The following RYK variants were observed in gnomAD, a reference collection of about 807,000 sequenced individuals.
The protein encoded by RYK is inactive tyrosine-protein kinase RYK.
Under a neutral mutation model 70.2 loss-of-function variants are expected in RYK, and 21 were observed. The observed-to-expected ratio is 0.30, with a 90% confidence interval of 0.21 to 0.43. RYK has a LOEUF of 0.43. Among genes scored for constraint, RYK ranks in the 20% least tolerant of loss-of-function variants. The probability of loss-of-function intolerance (pLI) is 1.00; values close to 1 mark genes in which losing one functional copy is unlikely to be tolerated. For synonymous variants in RYK, 267 were observed against 278.0 expected (o/e 0.96, Z 0.39); for missense variants, 604 against 753.3 (o/e 0.80, Z 2.32).
intron 2 of RYK, among the ~76,000 whole-genome samples, chr3:134,215,974 T>C (rs1477934108): frequency 6.8e-6 from 1 of 147,312 alleles, no homozygotes; most frequent in Non-Finnish European, 1.5e-5. Flanking sequence ...GGGCGGAGGA[T>C]GTAGTGAGCC....
chr3:134,182,214 G>A (rs1219161718), intron 10 of RYK, among the ~76,000 whole-genome samples: 1 of 151,780 alleles, frequency 6.6e-6, no homozygotes, highest in Admixed American at 6.6e-5. Flanking sequence ...ATCATGCTAT[G>A]GCATAATGAT....
chr3:134,158,298 T>C (rs368367609), intron 14 of RYK, 34 bp from the exon 15 acceptor site: 43 of 1,400,098 alleles, frequency 3.1e-5, no homozygotes, highest in Non-Finnish European at 4.2e-5. Flanking sequence ...TTTGGGCTAG[T>C]AAGGATACAG....
intron 3 of RYK, 49 bp from the exon 4 acceptor site, chr3:134,209,878 A>AAT (rs1281037615): frequency 1.6e-6 from 2 of 1,249,512 alleles, no homozygotes; most frequent in Non-Finnish European, 2.2e-6. Flanking sequence ...AAAAATCAAC[A>AAT]TTAATGCCCC....
intron 13 of RYK, among the ~76,000 whole-genome samples, chr3:134,165,108 T>C (rs2012615592): frequency 2.0e-5 from 3 of 152,240 alleles, no homozygotes; most frequent in Non-Finnish European, 4.4e-5. Flanking sequence ...TATAGCTCTT[T>C]CACATTTTTT....
intron 13 of RYK, among the ~76,000 whole-genome samples, chr3:134,173,649 C>T (rs145203054): frequency 6.6e-6 from 1 of 152,208 alleles, no homozygotes; most frequent in African/African-American, 2.4e-5. Context: ...CCCCATGATC[C>T]AATTATCTCC....
chr3:134,196,618 C>CACAT (rs892187802), intron 6 of RYK, among the ~76,000 whole-genome samples: 12 of 150,900 alleles, frequency 8.0e-5, no homozygotes, highest in Admixed American at 2.6e-4. Context: ...CACACACACA[C>CACAT]ACACACACAC....
intron 6 of RYK, among the ~76,000 whole-genome samples, chr3:134,196,330 CTT>C (rs2013809730): frequency 6.6e-6 from 1 of 152,162 alleles, no homozygotes; most frequent in Admixed American, 6.5e-5. Context: ...CAATGCCTCT[CTT>C]AGCTACAGGA....
intron 1 of RYK, among the ~76,000 whole-genome samples, chr3:134,243,565 G>A (rs896980284): frequency 1.3e-5 from 2 of 152,068 alleles, no homozygotes; most frequent in Non-Finnish European, 2.9e-5. Flanking sequence ...ATCCTGTGGC[G>A]CTCCATGGCT....
intron 1 of RYK, among the ~76,000 whole-genome samples, chr3:134,236,735 G>A (rs1055773680): frequency 6.6e-6 from 1 of 152,190 alleles, no homozygotes; most frequent in Non-Finnish European, 1.5e-5. Flanking sequence ...TAGACCAACA[G>A]AAGAGAACTG....
chr3:134,162,234 ATTT>A (rs35638482), intron 13 of RYK, among the ~76,000 whole-genome samples: 14 of 139,328 alleles, frequency 1.0e-4, no homozygotes, highest in Non-Finnish European at 9.5e-5. Context: ...GGCTTCAACC[ATTT>A]TTTTTTTTTT....
In RYK at chr3:134,181,841, C is replaced by T. The variant is rs190517377; in HGVS notation, c.1172+1161G>A. 6.4e-3 allele frequency among the ~76,000 whole-genome samples: 976 copies of T among 152,248 alleles called. 5 individuals are homozygous for T. Among genetic ancestry groups the T allele is most frequent in the Non-Finnish European group, 8.8e-3 (601 of 68,008 alleles). On this transcript the variant is annotated intron_variant, in intron 10 of 14. Transcript: ENST00000623711. ...AAAGGTAGAAGTTTTTGTTACAGTTCTGTGAACAGGACCAATACCAAGCTT... is the reference window on the plus strand; with the variant it reads ...AAAGGTAGAAGTTTTTGTTACAGTTTTGTGAACAGGACCAATACCAAGCTT...
intron 1 of RYK, among the ~76,000 whole-genome samples, chr3:134,235,123 T>C (rs1308690446): frequency 6.6e-6 from 1 of 152,066 alleles, no homozygotes; most frequent in Non-Finnish European, 1.5e-5. Context: ...CGGGCAATGG[T>C]AAGAAGGCAG....
chr3:134,235,014 T>C (rs979793381), intron 1 of RYK, among the ~76,000 whole-genome samples: 1 of 152,096 alleles, frequency 6.6e-6, no homozygotes, highest in Non-Finnish European at 1.5e-5. Flanking sequence ...GTGACTTACT[T>C]CAAATCATCT....
chr3:134,222,512 C>T lies in RYK; in HGVS notation c.260G>A (p.Arg87Lys). ...AGCGTAGTGACTAATAAGGTCATTTCTCACATAATAAAGTTCTGCATCAAG... is the reference window on the plus strand; with the variant it reads ...AGCGTAGTGACTAATAAGGTCATTTTTCACATAATAAAGTTCTGCATCAAG... ...IGLDAELYYV[R>K]NDLISHYALS... is the part of the protein sequence containing the mutation. The change falls in exon 2 of 15, where the codon AGA becomes AAA. Residue 87 changes from arginine (R) to lysine (K), a missense_variant. Arg to Lys is a conservative substitution (Grantham distance 26, BLOSUM62 2). Around this residue, in one of 2 missense-constraint regions of RYK, gnomAD observed 466 missense variants for 535.9 expected, o/e 0.87. Transcript: ENST00000623711. 2 of 1,611,780 alleles carry T rather than the reference C, an allele frequency of 1.2e-6. No homozygotes were observed. Among genetic ancestry groups the T allele is most frequent in the Non-Finnish European group, 1.7e-6 (2 of 1,178,490 alleles).
chr3:134,235,460 AAATT>A (rs1357604510), intron 1 of RYK, among the ~76,000 whole-genome samples: 1 of 152,166 alleles, frequency 6.6e-6, no homozygotes, highest in Non-Finnish European at 1.5e-5. Flanking sequence ...TCAGGAAATA[AAATT>A]AATGAAATAA....
Position 134,250,421 on chromosome 3 carries a change from A to C in RYK, c.232+2T>G, listed in dbSNP as rs1327463424. The C allele has an allele frequency of 7.2e-7, 1 of 1,394,884 alleles. No individual in the cohort carries two copies. Among genetic ancestry groups the C allele is most frequent in the Admixed American group, 2.6e-5 (1 of 37,912 alleles). The allele number at this position is 1,394,884 out of a possible 1,614,324, so 86.4% of individuals were successfully genotyped here. A position where few individuals can be genotyped will look rare whatever the true frequency, so the allele number is the denominator to read the frequency against. On this transcript the variant is annotated splice_donor_variant, in intron 1 of 14. Coordinates refer to ENST00000623711, the MANE Select transcript of RYK (RefSeq NM_002958.4). LOFTEE classifies it high-confidence loss of function. ...CGCCCCGGCCTCGGCGGCCCCACTC[A>C]CCGATCAGCCGGCGCACCTCGTCCT...
intron 9 of RYK, among the ~76,000 whole-genome samples, chr3:134,188,262 G>T (rs2013536194): frequency 6.6e-6 from 1 of 150,816 alleles, no homozygotes; most frequent in Non-Finnish European, 1.5e-5. Context: ...TCGGGTTCAA[G>T]CAATTCTCAC....
intron 6 of RYK, among the ~76,000 whole-genome samples, chr3:134,197,883 T>A (rs1220784745): frequency 6.6e-6 from 1 of 152,218 alleles, no homozygotes; most frequent in Non-Finnish European, 1.5e-5. Context: ...TACCTCAGAA[T>A]TTTTGAAAAG....
chr3:134,186,865 A>T, intron 9 of RYK, among the ~76,000 whole-genome samples: 1 of 151,748 alleles, frequency 6.6e-6, no homozygotes, highest in African/African-American at 2.4e-5. Context: ...CCCCGGAAGA[A>T]ATATTTGAAT....
Sources: gnomAD v4.1 joint callset for allele counts (sites outside exome capture counted in the v4.1 genomes callset) on GRCh38, gnomAD v4.1.1 for gene constraint, gnomAD v4.1.1 regional missense constraint, MANE v1.5 for transcripts, NCBI Gene and HGNC (gene_info 2026-07-23, HGNC 2026-07-21) for gene names.